Variants in ADSL observed in about 807,000 individuals in gnomAD.
ADSL encodes the protein adenylosuccinate lyase.
Under a neutral mutation model 62.1 loss-of-function variants are expected in ADSL, and 44 were observed. The ratio of observed to expected loss-of-function variants is 0.71; its 90% CI spans 0.56 to 0.91. The LOEUF is 0.91. Among genes scored for constraint, ADSL ranks in the 40% least tolerant of loss-of-function variants. ADSL has a pLI of 0.00. For synonymous variants in ADSL, 198 were observed against 220.5 expected (o/e 0.90, Z 0.90); for missense variants, 531 against 627.4 (o/e 0.85, Z 1.64).
At chr22:40,360,791 C>T (rs1484194983) in intron 7 of ADSL, among the ~76,000 whole-genome samples, 3 of 150,228 alleles carry the variant, frequency 2.0e-5, no homozygotes, top group African/African-American at 4.9e-5. Context: ...GGTATGATCT[C>T]GGCTCACTGC....
In ADSL at chr22:40,354,300, T is replaced by C; in HGVS notation, c.455T>C (p.Leu152Pro). Residue 152 changes from leucine to proline, a missense_variant, in exon 4 of 13, where the codon CTA becomes CCA. Transcript: ENST00000623063. ...LADFAKERAS[L>P]PTLGFTHFQP... ...GACTTTGCTAAGGAACGAGCCAGTC[T>C]ACCCACATTAGGTTTCACACATTTC... is the stretch of plus-strand genomic sequence containing the variant. The C allele has an allele frequency of 6.2e-7, 1 of 1,614,240 alleles. No individual in the cohort carries two copies. The highest frequency in any genetic ancestry group is 8.5e-7 in the Non-Finnish European group (1 of 1,180,028).
chr22:40,358,692 C>T (rs1054409306), intron 4 of ADSL, among the ~76,000 whole-genome samples, 172 bp from the exon 5 acceptor site: 9 of 152,294 alleles, frequency 5.9e-5, no homozygotes, highest in Admixed American at 3.3e-4. Context: ...ATCTCCGTAA[C>T]GATTATTTGG....
downstream of ADSL, chr22:40,373,604 T>C (rs1009903414): frequency 6.6e-6 from 1 of 152,076 alleles, no homozygotes; most frequent in African/African-American, 2.4e-5. Context: ...GATAGGGCAG[T>C]TGTGTTTTTT....
At chr22:40,379,619 A>G (rs1020169141) in intron 2 of ADSL, among the ~76,000 whole-genome samples, 10 of 152,202 alleles carry the variant, frequency 6.6e-5, no homozygotes, top group Non-Finnish European at 4.4e-5. Flanking sequence ...TCAGTGAGTT[A>G]TTAAGTAAAT....
chr22:40,354,193 T>C, intron 3 of ADSL, 55 bp from the exon 4 acceptor site: 13 of 1,418,206 alleles, frequency 9.2e-6, no homozygotes, highest in Non-Finnish European at 6.0e-6. Flanking sequence ...TTCCTAATTA[T>C]GTAATGAACA....
rs571150677 is a variant in ADSL at position 40,366,592 on chromosome 22, T to C, written c.*70T>C. 3.9e-5 allele frequency: 43 copies of C among 1,112,186 alleles called. 1 individual carries two copies. The South Asian group carries it at 4.9e-4, about 13-fold the overall frequency. 68.9% of individuals were successfully genotyped at this position (1,112,186 alleles called of 1,614,324 possible). ...ATGAAAATTGTGTTACTATAATGCC[T>C]TATTTTACCTCGAGAATTGTTACCT... On this transcript the variant is annotated 3_prime_UTR_variant, in exon 13 of 13. Coordinates refer to ENST00000623063, the MANE Select transcript of ADSL (RefSeq NM_000026.4).
chr22:40,376,769 CT>C (rs2046694627), intron 2 of ADSL, among the ~76,000 whole-genome samples: 1 of 151,898 alleles, frequency 6.6e-6, no homozygotes, highest in Admixed American at 6.6e-5. Flanking sequence ...TAATCTCCAC[CT>C]TCATAGTTTT....
chr22:40,382,526 G>A (rs2047733968), intron 2 of ADSL, among the ~76,000 whole-genome samples: 1 of 152,122 alleles, frequency 6.6e-6, no homozygotes, highest in South Asian at 2.1e-4. Flanking sequence ...CAGCATGGCA[G>A]GTGTGTTCTA....
chr22:40,381,028 TTTTAGCATGATAATGG>T (rs1299282127), intron 2 of ADSL, among the ~76,000 whole-genome samples: 1 of 152,174 alleles, frequency 6.6e-6, no homozygotes, highest in African/African-American at 2.4e-5. Flanking sequence ...ATAAGCAATG[TTTTAGCATGATAATGG>T]TTTAGCATGA....
intron 4 of ADSL, 62 bp downstream of exon 4, chr22:40,354,389 C>A: frequency 1.6e-6 from 2 of 1,268,742 alleles, no homozygotes; most frequent in Non-Finnish European, 2.3e-6. Context: ...CTTGAGTTCT[C>A]TGTTTTCCAC....
intron 2 of ADSL, among the ~76,000 whole-genome samples, chr22:40,377,899 G>C (rs1366853630): frequency 6.6e-6 from 1 of 151,544 alleles, no homozygotes; most frequent in Non-Finnish European, 1.5e-5. Context: ...CTGAAGAGGA[G>C]AGAAATCTTG....
intron 11 of ADSL, chr22:40,364,658 A>G: frequency 1.6e-6 from 1 of 634,582 alleles, no homozygotes; most frequent in Non-Finnish European, 2.8e-6. Context: ...GGCTTTACAG[A>G]AGAGGGCCAG....
rs767008067 is a variant in ADSL at position 40,361,287 on chromosome 22, A to G, written c.807A>G (p.Ile269Met). 1 of 1,614,126 alleles carries G rather than the reference A, an allele frequency of 6.2e-7. No individual in the cohort carries two copies. The highest frequency in any genetic ancestry group is 1.1e-5 in the South Asian group (1 of 91,086). The change falls in exon 8 of 13, where the codon ATA becomes ATG. Residue 269 changes from isoleucine to methionine, a missense_variant. Transcript: ENST00000623063. ...GASVHKICTD[I>M]RLLANLKEME... ...ACCTCCCCCAGATTTGCACCGACAT[A>G]CGCCTCCTGGCAAACCTCAAGGAGA...
At chr22:40,350,872 T>C (rs2044320637) in intron 2 of ADSL, among the ~76,000 whole-genome samples, 1 of 152,080 alleles carries the variant, frequency 6.6e-6, no homozygotes, top group African/African-American at 2.4e-5. Context: ...CTGCCCACCT[T>C]GGCCTCCCAA....
downstream of ADSL, among the ~76,000 whole-genome samples, chr22:40,372,122 C>CT (rs58396730): frequency 0.015 from 1,007 of 65,320 alleles, 15 homozygotes; most frequent in Middle Eastern, 0.039. Context: ...TCCCCCCCCC[C>CT]TTTTTTTTTT....
intron 12 of ADSL, among the ~76,000 whole-genome samples, chr22:40,365,631 A>G (rs2044974643): frequency 6.6e-6 from 1 of 152,076 alleles, no homozygotes; most frequent in Admixed American, 6.6e-5. Flanking sequence ...GCATTTTGGG[A>G]GGCCGAGGCA....
intron 1 of ADSL, among the ~76,000 whole-genome samples, chr22:40,349,375 CTTTT>C (rs71263543): frequency 3.7e-5 from 5 of 135,906 alleles, no homozygotes; most frequent in Admixed American, 7.4e-5. Context: ...TTGGAGCTTT[CTTTT>C]TTTTTTTTTT....
At chr22:40,371,461 T>G (rs1005284911), downstream of ADSL, among the ~76,000 whole-genome samples, 1 of 152,202 alleles carries the variant, frequency 6.6e-6, no homozygotes, top group Non-Finnish European at 1.5e-5. Flanking sequence ...TTCTTATTCT[T>G]TCTTAGTAAA....
intron 2 of ADSL, among the ~76,000 whole-genome samples, chr22:40,385,722 G>T (rs1050527233): frequency 6.6e-6 from 1 of 152,216 alleles, no homozygotes; most frequent in Admixed American, 6.5e-5. Context: ...TGAAAGTATC[G>T]CTGAAGGAAA....
Sources: allele counts gnomAD v4.1 joint callset (sites outside exome capture counted in the v4.1 genomes callset), GRCh38; gene constraint gnomAD v4.1.1; transcripts MANE v1.5; gene names NCBI Gene and HGNC (gene_info 2026-07-23, HGNC 2026-07-21).